The following TPTE2 variants were observed in gnomAD, a reference collection of about 807,000 sequenced individuals.
The protein encoded by TPTE2 is phosphatidylinositol 3,4,5-trisphosphate 3-phosphatase TPTE2.
Under a neutral mutation model 78.6 loss-of-function variants are expected in TPTE2, and 53 were observed. The ratio of observed to expected loss-of-function variants is 0.67; its 90% CI spans 0.54 to 0.85. The LOEUF is 0.85. Among genes scored for constraint, TPTE2 ranks in the 40% least tolerant of loss-of-function variants. The pLI is 0.00. For missense variants in TPTE2, 461 were observed against 623.0 expected, an observed-to-expected ratio of 0.74 and a Z score of 2.77; for synonymous variants, 175 against 206.2, an observed-to-expected ratio of 0.85 and a Z score of 1.30.
intron 13 of TPTE2, among the ~76,000 whole-genome samples, chr13:19,449,186 T>G (rs886792380): frequency 1.3e-5 from 2 of 152,078 alleles, no homozygotes; most frequent in Admixed American, 1.3e-4. Flanking sequence ...TTATTGTTAT[T>G]TTTTTAGATG....
chr13:19,554,920 A>G, the TPTE2 span, among the ~76,000 whole-genome samples: 2 of 152,224 alleles, frequency 1.3e-5, no homozygotes, highest in Non-Finnish European at 2.9e-5. Flanking sequence ...TTTACAGAGC[A>G]ATCACACCAC....
rs142634208 is a variant in TPTE2 at position 19,438,029 on chromosome 13, C to T, written c.1035+63G>A. 1.4e-3 allele frequency: 2,166 copies of T among 1,573,080 alleles called. 3 individuals carry two copies. The highest frequency in any genetic ancestry group is 1.8e-3 in the Non-Finnish European group (2,056 of 1,158,868). ...AATAATCATCTTAACGTCCTACCAG[C>T]GATCTTTCAGAACTAGCAAACTCAA... On this transcript the variant is annotated intron_variant, in intron 14 of 19. Transcript: ENST00000400230.
At chr13:19,517,658 G>T (rs373457007) in intron 1 of TPTE2, among the ~76,000 whole-genome samples, 3 of 152,238 alleles carry the variant, frequency 2.0e-5, no homozygotes, top group African/African-American at 7.2e-5. Context: ...TCACCTCTAG[G>T]TTTTTACCTC....
chr13:19,515,075 T>C (rs536032585), intron 1 of TPTE2, among the ~76,000 whole-genome samples: 1 of 152,332 alleles, frequency 6.6e-6, no homozygotes, highest in African/African-American at 2.4e-5. Context: ...TATTATGCCA[T>C]AAAAATCAGT....
chr13:19,468,185 C>T (rs567243900), intron 6 of TPTE2, among the ~76,000 whole-genome samples: 15 of 151,302 alleles, frequency 9.9e-5, no homozygotes, highest in Admixed American at 4.6e-4. Context: ...GGATTACAGG[C>T]GACCGACACC....
intron 1 of TPTE2, among the ~76,000 whole-genome samples, chr13:19,511,479 T>C (rs1869439034): frequency 6.6e-6 from 1 of 152,208 alleles, no homozygotes; most frequent in Admixed American, 6.5e-5. Context: ...TCAATATGTA[T>C]ATCTGTACTC....
At position 19,426,483 on chromosome 13, in the gene TPTE2, A is replaced by T. The variant is rs770450723; in HGVS notation, c.1337T>A (p.Ile446Asn). 4 of 1,604,304 alleles carry T rather than the reference A, an allele frequency of 2.5e-6. No individual in the cohort carries two copies. In the African/African-American group the frequency reaches 4.0e-5, roughly 16 times the overall value. Residue 446 changes from isoleucine to asparagine, a missense_variant, in exon 18 of 20, where the codon ATT becomes AAT. Transcript: ENST00000400230. ...CAGAGGTGGACCGTCATATACATTA[A>T]TTAATATTTTGTCTGTTTCAATGTC...
intron 13 of TPTE2, among the ~76,000 whole-genome samples, chr13:19,445,143 T>A (rs1877743241): frequency 1.3e-5 from 2 of 152,118 alleles, no homozygotes; most frequent in African/African-American, 4.8e-5. Context: ...CAGAAGATAC[T>A]CCTGAGAGAC....
intron 11 of TPTE2, among the ~76,000 whole-genome samples, chr13:19,450,734 G>A (rs1878123736): frequency 6.6e-6 from 1 of 152,096 alleles, no homozygotes; most frequent in Non-Finnish European, 1.5e-5. Context: ...TATTAAACTG[G>A]GTTACAACCT....
At chr13:19,426,016 G>A (rs1334180256) in intron 18 of TPTE2, among the ~76,000 whole-genome samples, 13 of 151,514 alleles carry the variant, frequency 8.6e-5, no homozygotes, top group African/African-American at 2.4e-4. Context: ...CTATGATCAC[G>A]CCACTGCACT....
At chr13:19,556,162 G>A in the TPTE2 span, among the ~76,000 whole-genome samples, 3 of 152,008 alleles carry the variant, frequency 2.0e-5, no homozygotes, top group East Asian at 1.9e-4. Context: ...GGGGAGAGGC[G>A]ATTCATTGTC....
chr13:19,438,830 A>T (rs1566040063), intron 13 of TPTE2, among the ~76,000 whole-genome samples: 2 of 152,234 alleles, frequency 1.3e-5, no homozygotes, highest in South Asian at 2.1e-4. Context: ...GGGGAGGACA[A>T]TGCAGGCAAG....
At chr13:19,552,996 T>C in the TPTE2 span, among the ~76,000 whole-genome samples, 31 of 151,498 alleles carry the variant, frequency 2.0e-4, no homozygotes, top group African/African-American at 5.8e-4. Flanking sequence ...TTTTTATGAA[T>C]GTGAATGTTT....
At chr13:19,559,529 T>C in the TPTE2 span, among the ~76,000 whole-genome samples, 1 of 146,956 alleles carries the variant, frequency 6.8e-6, no homozygotes, top group Non-Finnish European at 1.5e-5. Context: ...TTGGAGTTAT[T>C]GCTTCAAGGC....
intron 1 of TPTE2, among the ~76,000 whole-genome samples, chr13:19,517,253 C>T (rs111663384): frequency 0.038 from 5,832 of 152,272 alleles, 401 homozygotes; most frequent in African/African-American, 0.13. Context: ...TAATCAAGAT[C>T]CTGTTAGCAG....
chr13:19,445,476 T>G (rs951706058), intron 13 of TPTE2, among the ~76,000 whole-genome samples: 5 of 152,174 alleles, frequency 3.3e-5, no homozygotes, highest in African/African-American at 7.2e-5. Flanking sequence ...ACGGAATGCT[T>G]GAAGTCTACA....
At chr13:19,514,170 T>C (rs772487605) in intron 1 of TPTE2, among the ~76,000 whole-genome samples, 3 of 152,196 alleles carry the variant, frequency 2.0e-5, no homozygotes, top group Non-Finnish European at 2.9e-5. Context: ...GGCATTCTGA[T>C]AGTTTCCTAA....
At chr13:19,551,034 A>G in the TPTE2 span, among the ~76,000 whole-genome samples, 1 of 152,168 alleles carries the variant, frequency 6.6e-6, no homozygotes, top group Non-Finnish European at 1.5e-5. Flanking sequence ...TGAAATCCAA[A>G]CATGTTGTAA....
chr13:19,557,611 C>T, the TPTE2 span, among the ~76,000 whole-genome samples: 18 of 152,172 alleles, frequency 1.2e-4, no homozygotes, highest in Non-Finnish European at 2.4e-4. Flanking sequence ...GCTGGACTTG[C>T]CCAAATTATT....
Sources: gnomAD v4.1 joint callset for allele counts (sites outside exome capture counted in the v4.1 genomes callset) on GRCh38, gnomAD v4.1.1 for gene constraint, MANE v1.5 for transcripts, NCBI Gene and HGNC (gene_info 2026-07-23, HGNC 2026-07-21) for gene names.